Variants in SYT14 observed in about 807,000 individuals in gnomAD.
SYT14 encodes the protein synaptotagmin-14.
A neutral mutation model predicts 74.2 loss-of-function variants in SYT14; 32 were observed. That is an observed-to-expected ratio of 0.43 (90% CI 0.33 to 0.58). The LOEUF is 0.58. Among genes scored for constraint, SYT14 ranks in the 20% least tolerant of loss-of-function variants. The pLI is 0.05. For missense variants in SYT14, 791 were observed against 981.8 expected, an observed-to-expected ratio of 0.81 and a Z score of 2.60; for synonymous variants, 298 against 337.7, an observed-to-expected ratio of 0.88 and a Z score of 1.29.
chr1:210,024,850 A>C (rs1424001561), intron 5 of SYT14, among the ~76,000 whole-genome samples: 4 of 150,164 alleles, frequency 2.7e-5, no homozygotes, highest in Non-Finnish European at 6.0e-5. Context: ...TCAGCCATGG[A>C]AGAAAAGTTT....
At chr1:210,144,081 C>T (rs1271200708) in intron 7 of SYT14, among the ~76,000 whole-genome samples, 1 of 152,130 alleles carries the variant, frequency 6.6e-6, no homozygotes, top group African/African-American at 2.4e-5. Context: ...AGCACAGGCA[C>T]CTACAGTTAT....
chr1:209,951,212 A>T (rs1347167878), intron 1 of SYT14, among the ~76,000 whole-genome samples: 2 of 152,128 alleles, frequency 1.3e-5, no homozygotes, highest in Non-Finnish European at 2.9e-5. Flanking sequence ...TGTGCAGCAG[A>T]TCTCTAAAAC....
Position 210,042,255 on chromosome 1 carries a change from CA to C in SYT14, c.1312+21002del, listed in dbSNP as rs202149896. Among the ~76,000 whole-genome samples, 2,352 of 152,228 alleles carry C rather than the reference CA, an allele frequency of 0.015. 184 individuals are homozygous for C. The East Asian group carries it at 0.25, about 16-fold the overall frequency. ...AACACATTTCCTAAAACCAAAAGCA[CA>C]GTGAAACAAATGAGCTTAACCCTGT... is the stretch of plus-strand genomic sequence containing the variant. On this transcript the variant is annotated intron_variant, in intron 5 of 9. Coordinates refer to ENST00000637265, the Ensembl canonical transcript of SYT14.
At chr1:210,072,363 T>C (rs227202) in intron 5 of SYT14, among the ~76,000 whole-genome samples, 86,088 of 151,568 alleles carry the variant, frequency 0.57, 26,524 homozygotes, top group African/African-American at 0.81. Flanking sequence ...ATTATAAGGG[T>C]AAAATACATA....
intron 7 of SYT14, among the ~76,000 whole-genome samples, chr1:210,133,801 C>CA (rs145042020): frequency 0.012 from 1,791 of 149,860 alleles, 46 homozygotes; most frequent in African/African-American, 0.041. Context: ...GAACCTAGCC[C>CA]AAAAGATGTC....
At chr1:210,126,344 C>CA (rs34217502) in intron 7 of SYT14, among the ~76,000 whole-genome samples, 29,171 of 137,438 alleles carry the variant, frequency 0.21, 2,961 homozygotes, top group East Asian at 0.27. Context: ...AATTTATGGC[C>CA]AAAAAAAAAA....
intron 2 of SYT14, among the ~76,000 whole-genome samples, chr1:209,979,461 A>G (rs919410273): frequency 6.6e-6 from 1 of 151,832 alleles, no homozygotes; most frequent in African/African-American, 2.4e-5. Context: ...CCAACTTTTA[A>G]GTTTAGGGGT....
At chr1:209,941,015 T>C (rs2078721572) in intron 1 of SYT14, among the ~76,000 whole-genome samples, 1 of 152,210 alleles carries the variant, frequency 6.6e-6, no homozygotes, top group Non-Finnish European at 1.5e-5. Context: ...GCTTGACTAC[T>C]CCCTTGCTTA....
intron 7 of SYT14, among the ~76,000 whole-genome samples, chr1:210,131,384 A>G (rs1572353431): frequency 1.3e-5 from 2 of 152,122 alleles, no homozygotes; most frequent in East Asian, 1.9e-4. Flanking sequence ...TTATTAATAT[A>G]TGTAGAACTT....
intron 5 of SYT14, among the ~76,000 whole-genome samples, chr1:210,056,837 A>ATTAT (rs148786795): frequency 1.5e-4 from 22 of 148,318 alleles, no homozygotes; most frequent in Admixed American, 4.8e-4. Flanking sequence ...TGTTACTATT[A>ATTAT]TTATTTATTT....
At chr1:210,016,669 T>G in exon 4 of SYT14, 1 of 1,231,776 alleles carries the variant, frequency 8.1e-7, no homozygotes, top group Non-Finnish European at 1.0e-6. Context: ...CAGATAATTG[T>G]AAAAAGGAGG....
At chr1:210,115,854 G>A (rs192707074) in intron 7 of SYT14, among the ~76,000 whole-genome samples, 1 of 151,390 alleles carries the variant, frequency 6.6e-6, no homozygotes, top group African/African-American at 2.5e-5. Flanking sequence ...AATTTCATGT[G>A]CATCTGTGTG....
At chr1:209,975,116 A>T (rs2079334855) in intron 2 of SYT14, among the ~76,000 whole-genome samples, 1 of 152,190 alleles carries the variant, frequency 6.6e-6, no homozygotes. Flanking sequence ...TTTTGGGCTG[A>T]GACAGTGGGG....
At chr1:210,071,342 G>A (rs1223940056) in intron 5 of SYT14, among the ~76,000 whole-genome samples, 1 of 83,740 alleles carries the variant, frequency 1.2e-5, no homozygotes, top group Non-Finnish European at 3.2e-5. Context: ...AGTCCTTATA[G>A]AAGGAGTAAT....
chr1:209,944,224 A>T (rs569676946), intron 1 of SYT14, among the ~76,000 whole-genome samples: 1 of 152,364 alleles, frequency 6.6e-6, no homozygotes, highest in East Asian at 1.9e-4. Context: ...TCAGTTGACT[A>T]GAAAATTCAC....
At chr1:210,018,086 A>G (rs543348235) in intron 4 of SYT14, among the ~76,000 whole-genome samples, 1 of 152,330 alleles carries the variant, frequency 6.6e-6, no homozygotes, top group African/African-American at 2.4e-5. Context: ...CTTAAAAGAA[A>G]TGTCAGTTTC....
At chr1:209,951,650 A>G (rs1355772988) in intron 1 of SYT14, among the ~76,000 whole-genome samples, 5 of 152,222 alleles carry the variant, frequency 3.3e-5, no homozygotes, top group Admixed American at 6.5e-5. Flanking sequence ...ACAGAGACAT[A>G]TGTTATATAA....
intron 5 of SYT14, among the ~76,000 whole-genome samples, chr1:210,059,246 C>T (rs2081155675): frequency 6.6e-6 from 1 of 151,684 alleles, no homozygotes; most frequent in East Asian, 1.9e-4. Context: ...CACTATCATA[C>T]AATTAAAACA....
chr1:210,069,383 C>T (rs1042626809), intron 5 of SYT14, among the ~76,000 whole-genome samples: 1 of 151,838 alleles, frequency 6.6e-6, no homozygotes, highest in African/African-American at 2.4e-5. Context: ...TAATATCTTC[C>T]ACTATGATTG....
Sources: allele counts gnomAD v4.1 joint callset (sites outside exome capture counted in the v4.1 genomes callset), GRCh38; gene constraint gnomAD v4.1.1; transcripts MANE v1.5; gene names NCBI Gene and HGNC (gene_info 2026-07-23, HGNC 2026-07-21).